Variants in C2orf92 observed in about 807,000 individuals in gnomAD.
The protein encoded by C2orf92 is uncharacterized protein C2orf92.
chr2:97,665,731 CTCTCTCTATATATATATATATATA>C (rs1447230157), upstream of C2orf92: 38 of 23,246 alleles, frequency 1.6e-3, no homozygotes, highest in Admixed American at 0.01. Context: ...CTCTCTCTCT[CTCTCTCTATATATATATATATATA>C]TATATATATA....
At chr2:97,680,808 C>G (rs1675744602) in intron 3 of C2orf92, among the ~76,000 whole-genome samples, 1 of 152,148 alleles carries the variant, frequency 6.6e-6, no homozygotes, top group Non-Finnish European at 1.5e-5. Flanking sequence ...CACCTGTAGT[C>G]CCAGCTACTC....
intron 3 of C2orf92, among the ~76,000 whole-genome samples, chr2:97,682,169 A>G (rs2104563133): frequency 6.6e-6 from 1 of 152,346 alleles, no homozygotes; most frequent in Middle Eastern, 3.4e-3. Flanking sequence ...ATTTAATGAG[A>G]GAAGAATATA....
upstream of C2orf92, among the ~76,000 whole-genome samples, chr2:97,666,409 C>T (rs187565134): frequency 8.6e-5 from 13 of 151,628 alleles, 1 homozygote; most frequent in Admixed American, 7.2e-4. Context: ...TGGTGGCATG[C>T]GTCTGTTGTC....
At chr2:97,689,848 G>A (rs556829524) in intron 4 of C2orf92, among the ~76,000 whole-genome samples, 3 of 152,290 alleles carry the variant, frequency 2.0e-5, no homozygotes, top group African/African-American at 7.2e-5. Context: ...TGGAAAACAA[G>A]CCAGGCGCGG....
intron 3 of C2orf92, among the ~76,000 whole-genome samples, chr2:97,678,323 C>G (rs995911064): frequency 2.0e-5 from 3 of 149,928 alleles, no homozygotes; most frequent in African/African-American, 7.4e-5. Flanking sequence ...ACTTGTGGGG[C>G]ACCATCAAGC....
chr2:97,684,301 C>T (rs1183475687), intron 3 of C2orf92, among the ~76,000 whole-genome samples: 4 of 152,108 alleles, frequency 2.6e-5, no homozygotes, highest in East Asian at 1.9e-4. Context: ...TCCCAAAGTG[C>T]TGGGATTACA....
chr2:97,679,502 G>A (rs746505409), intron 3 of C2orf92, among the ~76,000 whole-genome samples: 8 of 152,054 alleles, frequency 5.3e-5, no homozygotes, highest in Non-Finnish European at 7.4e-5. Context: ...TGTTTCCAAG[G>A]TAACCAGTAA....
chr2:97,699,709 G>A (rs1209304668), intron 6 of C2orf92, among the ~76,000 whole-genome samples: 1 of 152,120 alleles, frequency 6.6e-6, no homozygotes, highest in Non-Finnish European at 1.5e-5. Flanking sequence ...CTTCACCCTC[G>A]CTCATCCCTG....
chr2:97,679,458 TGTTTAA>T (rs1353259326), intron 3 of C2orf92, among the ~76,000 whole-genome samples: 1 of 152,208 alleles, frequency 6.6e-6, no homozygotes, highest in Non-Finnish European at 1.5e-5. Flanking sequence ...AGATACTAGG[TGTTTAA>T]GTTTAAACAA....
At chr2:97,665,847 A>T (rs550625351), upstream of C2orf92, 5 of 150,154 alleles carry the variant, frequency 3.3e-5, no homozygotes, top group East Asian at 9.9e-4. Flanking sequence ...GCCTGATATC[A>T]GCTCACTGCA....
chr2:97,701,057 T>C (rs753522951), intron 6 of C2orf92, 97 bp from the exon 7 acceptor site: 80 of 394,528 alleles, frequency 2.0e-4, no homozygotes, highest in Admixed American at 4.4e-5. Context: ...TATTCTGTTA[T>C]GAATGGAATG....
At chr2:97,684,014 G>A (rs193293594) in intron 3 of C2orf92, among the ~76,000 whole-genome samples, 288 of 144,716 alleles carry the variant, frequency 2.0e-3, no homozygotes, top group Non-Finnish European at 3.2e-3. Context: ...ACAGGTATGC[G>A]CCACCATGCC....
chr2:97,684,662 G>A (rs933470828), intron 3 of C2orf92, among the ~76,000 whole-genome samples: 1 of 152,120 alleles, frequency 6.6e-6, no homozygotes, highest in Admixed American at 6.5e-5. Flanking sequence ...TATATCAAAG[G>A]CATTTCTCCC....
chr2:97,673,432 G>C (rs536862109), intron 1 of C2orf92, among the ~76,000 whole-genome samples: 6 of 152,282 alleles, frequency 3.9e-5, no homozygotes, highest in African/African-American at 1.2e-4. Flanking sequence ...GCTGTTTCCA[G>C]GTGTCTTGCA....
chr2:97,674,490 G>A lies in C2orf92; in HGVS notation c.81G>A (p.Pro27=), dbSNP rs75380503. 97 of 398,556 alleles carry A rather than the reference G, an allele frequency of 2.4e-4. 1 individual carries two copies. The East Asian group carries it at 3.3e-3, about 13-fold the overall frequency. 24.7% of individuals were successfully genotyped at this position (398,556 alleles called of 1,614,324 possible). A position where few individuals can be genotyped will look rare whatever the true frequency, so the allele number is the denominator to read the frequency against. The part of the protein sequence containing the change: ...EIVLQVFSKV[P]YDPSFDETRT... ...TGCTCCAAGTGTTTTCCAAGGTTCC[G>A]TATGACCCATCATTTGATGAAACAA... The change falls in exon 2 of 8, where the codon CCG becomes CCA. Residue 27 remains proline, a synonymous_variant. Coordinates refer to ENST00000627399, the MANE Select transcript of C2orf92 (RefSeq NM_001351368.2).
upstream of C2orf92, chr2:97,669,542 G>A (rs1675340559): frequency 8.2e-6 from 3 of 364,970 alleles, no homozygotes; most frequent in Non-Finnish European, 1.5e-5. Context: ...GCAGGATGGA[G>A]GAAGGCACCA....
At chr2:97,695,731 ATTTTCTTTCTTTTC>A (rs1336133963) in intron 5 of C2orf92, among the ~76,000 whole-genome samples, 1 of 148,002 alleles carries the variant, frequency 6.8e-6, no homozygotes, top group African/African-American at 2.6e-5. Flanking sequence ...TTTTTCTTTT[ATTTTCTTTCTTTTC>A]TTTTCTTTTC....
intron 3 of C2orf92, among the ~76,000 whole-genome samples, chr2:97,688,649 G>A (rs17028435): frequency 0.045 from 6,828 of 152,102 alleles, 488 homozygotes; most frequent in African/African-American, 0.15. Context: ...GGAGATCTGG[G>A]GCCATATATC....
intron 3 of C2orf92, 48 bp downstream of exon 3, chr2:97,675,976 G>A (rs920797160): frequency 6.3e-5 from 25 of 398,454 alleles, no homozygotes; most frequent in Non-Finnish European, 9.7e-5. Context: ...TTGAAGAGTT[G>A]CATGCTTGTC....
Sources: gnomAD v4.1 joint callset for allele counts (sites outside exome capture counted in the v4.1 genomes callset) on GRCh38, gnomAD v4.1.1 for gene constraint, MANE v1.5 for transcripts, NCBI Gene and HGNC (gene_info 2026-07-23, HGNC 2026-07-21) for gene names.